The following SOX6 variants were observed in gnomAD, a reference collection of about 807,000 sequenced individuals.
SOX6 encodes SRY-box transcription factor 6.
In SOX6, 11 loss-of-function variants were observed where a neutral mutation model predicts 97.8. The observed-to-expected ratio is 0.11, with a 90% confidence interval of 0.07 to 0.19. The LOEUF is 0.19. Ranked by LOEUF, SOX6 falls within the 10% of genes least tolerant of loss-of-function variation. The pLI is 1.00. For synonymous variants in SOX6, 360 were observed against 371.4 expected (o/e 0.97, Z 0.35); for missense variants, 810 against 1,039.5 (o/e 0.78, Z 3.04).
At chr11:15,998,323 ATATT>A (rs1437236917) in intron 13 of SOX6, among the ~76,000 whole-genome samples, 2 of 150,564 alleles carry the variant, frequency 1.3e-5, no homozygotes, top group African/African-American at 4.8e-5. Context: ...ATTCAAATAT[ATATT>A]TATAATAGCA....
At chr11:16,415,646 C>T (rs886828544) in intron 1 of SOX6, among the ~76,000 whole-genome samples, 6 of 151,926 alleles carry the variant, frequency 3.9e-5, no homozygotes, top group East Asian at 1.9e-4. Context: ...TATTGTATAC[C>T]GATATTGAAA....
At chr11:16,706,471 A>AATAT (rs1157835806) in intron 3 of SOX6, among the ~76,000 whole-genome samples, 41 of 22,230 alleles carry the variant, frequency 1.8e-3, no homozygotes, top group Non-Finnish European at 2.4e-3. Flanking sequence ...AAAAAAAAAA[A>AATAT]ATATATATAT....
intron 4 of SOX6, among the ~76,000 whole-genome samples, chr11:16,503,041 C>A (rs542594638): frequency 3.3e-5 from 5 of 152,018 alleles, no homozygotes; most frequent in Admixed American, 6.6e-5. Context: ...CAGGCCAGGA[C>A]AGAATGGGAT....
At chr11:16,292,309 A>C (rs938566645) in intron 3 of SOX6, among the ~76,000 whole-genome samples, 3 of 152,152 alleles carry the variant, frequency 2.0e-5, no homozygotes, top group Non-Finnish European at 4.4e-5. Context: ...ATATCCTTCA[A>C]TGTAAACTTA....
chr11:16,001,026 T>A (rs1854392769), intron 13 of SOX6, among the ~76,000 whole-genome samples: 1 of 151,650 alleles, frequency 6.6e-6, no homozygotes, highest in South Asian at 2.1e-4. Flanking sequence ...CCAGCTAATT[T>A]TTTTTTATTT....
rs954044843 is a variant in SOX6 at position 15,973,032 on chromosome 11, G to A, written c.2264C>T (p.Ser755Leu). The change falls in exon 16 of 16, where the codon TCG becomes TTG. Residue 755 changes from serine (S) to leucine (L), a missense_variant. Ser to Leu is a moderately radical substitution (Grantham distance 145). Transcript: ENST00000683767. Reference sequence around the variant, plus strand: ...AGAGCAGTCAGATGTCATCTGAGGCGATGGTGTGGTAGTTGCCATAGTGAT... The same window carrying A: ...AGAGCAGTCAGATGTCATCTGAGGCAATGGTGTGGTAGTTGCCATAGTGAT... ...GAITMATTTPSPQMTSDCSST... is the reference protein window; with the variant it reads ...GAITMATTTPLPQMTSDCSST... 3.1e-6 allele frequency: 5 copies of A among 1,614,164 alleles called. No homozygotes were observed. The South Asian group carries it at 3.3e-5, about 11-fold the overall frequency.
rs935463606 is a variant in SOX6, at chr11:16,014,852, A to T, written c.1732+90T>A. On this transcript the variant is annotated intron_variant, in intron 13 of 15. Transcript: ENST00000683767. ...CCTAAGAAATCTAGTGATGACTCCT[A>T]TGAAAAACTATAAAGATCCTATATC... is the stretch of plus-strand genomic sequence containing the variant. 5 of 1,229,510 alleles carry T rather than the reference A, an allele frequency of 4.1e-6. No homozygotes were observed. The South Asian group carries it at 5.0e-5, about 12-fold the overall frequency. The allele number at this position is 1,229,510 out of a possible 1,614,324, so 76.2% of individuals were successfully genotyped here. A position where few individuals can be genotyped will look rare whatever the true frequency, so the allele number is the denominator to read the frequency against.
chr11:16,654,661 A>G (rs1847699215), intron 3 of SOX6, among the ~76,000 whole-genome samples: 1 of 152,218 alleles, frequency 6.6e-6, no homozygotes, highest in Non-Finnish European at 1.5e-5. Context: ...CATAATAATT[A>G]AAAATTAATT....
At chr11:16,565,166 C>T (rs533737433) in intron 4 of SOX6, among the ~76,000 whole-genome samples, 34 of 152,234 alleles carry the variant, frequency 2.2e-4, no homozygotes, top group African/African-American at 7.9e-4. Context: ...TAAGTGAATA[C>T]TAGCAGTAAC....
intron 4 of SOX6, among the ~76,000 whole-genome samples, chr11:16,514,730 T>A (rs1860939744): frequency 1.6e-5 from 2 of 128,144 alleles, no homozygotes; most frequent in African/African-American, 6.0e-5. Flanking sequence ...CAGAGTGTGA[T>A]GTTTCCCTTC....
chr11:16,471,014 C>T (rs1397220380), intron 1 of SOX6, among the ~76,000 whole-genome samples: 1 of 151,330 alleles, frequency 6.6e-6, no homozygotes, highest in Non-Finnish European at 1.5e-5. Flanking sequence ...TAAAGGAATT[C>T]ATTATCAAAT....
chr11:16,616,099 T>G (rs886837925), intron 3 of SOX6, among the ~76,000 whole-genome samples: 1 of 152,138 alleles, frequency 6.6e-6, no homozygotes, highest in Non-Finnish European at 1.5e-5. Flanking sequence ...CATGCCTTTC[T>G]CCATTTATAG....
intron 3 of SOX6, among the ~76,000 whole-genome samples, chr11:16,245,404 GT>G (rs1409298863): frequency 2.0e-5 from 3 of 151,606 alleles, no homozygotes; most frequent in Non-Finnish European, 4.4e-5. Flanking sequence ...TTATCCAGAT[GT>G]TTTTTAGTGT....
chr11:16,134,733 T>C (rs532006787), intron 6 of SOX6, among the ~76,000 whole-genome samples: 66 of 152,356 alleles, frequency 4.3e-4, no homozygotes, highest in African/African-American at 1.5e-3. Context: ...AAATATTGCA[T>C]GCGTTCAGGC....
intron 2 of SOX6, among the ~76,000 whole-genome samples, chr11:16,334,940 T>C (rs1043738022): frequency 6.6e-6 from 1 of 152,156 alleles, no homozygotes; most frequent in African/African-American, 2.4e-5. Context: ...TAAAAATACA[T>C]ACTTTTTCTA....
intron 2 of SOX6, among the ~76,000 whole-genome samples, chr11:16,720,168 T>C (rs1484072032): frequency 6.6e-6 from 1 of 151,608 alleles, no homozygotes; most frequent in Non-Finnish European, 1.5e-5. Context: ...AGAAATACCA[T>C]TTGACCCAGC....
At chr11:16,365,734 C>T (rs750479882) in intron 1 of SOX6, among the ~76,000 whole-genome samples, 4 of 152,036 alleles carry the variant, frequency 2.6e-5, no homozygotes, top group African/African-American at 4.8e-5. Context: ...ATTAGATGCT[C>T]GTCTTAACAA....
chr11:16,553,672 CT>C (rs1847716142), intron 4 of SOX6, among the ~76,000 whole-genome samples: 1 of 151,748 alleles, frequency 6.6e-6, no homozygotes, highest in Non-Finnish European at 1.5e-5. Flanking sequence ...GACCATACCT[CT>C]AAAGAGGCAT....
chr11:16,409,829 T>TAA (rs61513166), intron 1 of SOX6, among the ~76,000 whole-genome samples: 135 of 149,662 alleles, frequency 9.0e-4, no homozygotes, highest in South Asian at 1.0e-3. Context: ...TTCCTCGGTT[T>TAA]AAAAAAAAAA....
Sources: allele counts gnomAD v4.1 joint callset (sites outside exome capture counted in the v4.1 genomes callset), GRCh38; gene constraint gnomAD v4.1.1; transcripts MANE v1.5; gene names NCBI Gene and HGNC (gene_info 2026-07-23, HGNC 2026-07-21).